FRMD4A: variants seen among roughly 807,000 people sequenced by gnomAD.
The protein encoded by FRMD4A is FERM domain-containing protein 4A.
Under a neutral mutation model 129.1 loss-of-function variants are expected in FRMD4A, and 29 were observed. That is an observed-to-expected ratio of 0.22 (90% CI 0.17 to 0.31). The LOEUF (loss-of-function observed/expected upper bound fraction) is 0.31. Ranked by LOEUF, FRMD4A falls within the 10% of genes least tolerant of loss-of-function variation. The probability of loss-of-function intolerance (pLI) is 1.00; values close to 1 mark genes in which losing one functional copy is unlikely to be tolerated. For missense variants in FRMD4A, 1,272 were observed against 1,375.8 expected (o/e 0.92, Z 1.19); for synonymous variants, 634 against 571.6 (o/e 1.11, Z -1.56).
chr10:14,189,466 C>T (rs545642142), intron 2 of FRMD4A, among the ~76,000 whole-genome samples: 31 of 152,048 alleles, frequency 2.0e-4, no homozygotes, highest in South Asian at 1.5e-3. Flanking sequence ...CCCAGCTACT[C>T]GGGAGGCTGA....
intron 12 of FRMD4A, among the ~76,000 whole-genome samples, chr10:13,734,695 C>T (rs982069365): frequency 1.3e-5 from 2 of 152,156 alleles, no homozygotes; most frequent in East Asian, 1.9e-4. Context: ...CATCCCCGAC[C>T]CTCACACAGA....
At chr10:14,274,811 GA>G (rs1845283567) in intron 2 of FRMD4A, among the ~76,000 whole-genome samples, 1 of 152,178 alleles carries the variant, frequency 6.6e-6, no homozygotes, top group Non-Finnish European at 1.5e-5. Context: ...GCAAGTCCCT[GA>G]CTTAGCCAGT....
intron 2 of FRMD4A, among the ~76,000 whole-genome samples, chr10:13,879,497 G>C (rs996989063): frequency 1.3e-5 from 2 of 151,710 alleles, no homozygotes. Context: ...TGGGCAGCAG[G>C]GTGATACCCC....
intron 2 of FRMD4A, chr10:14,074,606 G>T (rs943814754): frequency 6.6e-6 from 1 of 152,178 alleles, no homozygotes; most frequent in South Asian, 2.1e-4. Context: ...CATTTCATCT[G>T]GCAGGGCACT....
chr10:13,955,072 G>A (rs1040062213), intron 2 of FRMD4A, among the ~76,000 whole-genome samples: 1 of 147,708 alleles, frequency 6.8e-6, no homozygotes, highest in Non-Finnish European at 1.5e-5. Context: ...CTATGGTAAG[G>A]TAGTCTTCCA....
chr10:13,820,276 C>T (rs991395475), intron 3 of FRMD4A, among the ~76,000 whole-genome samples: 5 of 152,168 alleles, frequency 3.3e-5, no homozygotes, highest in South Asian at 2.1e-4. Context: ...CCGAAGACCT[C>T]GTTTCCGTGT....
At chr10:14,095,932 G>GCCT (rs1836934396) in intron 2 of FRMD4A, among the ~76,000 whole-genome samples, 1 of 152,156 alleles carries the variant, frequency 6.6e-6, no homozygotes, top group African/African-American at 2.4e-5. Flanking sequence ...CATAAGGAGC[G>GCCT]CAAGTGGAAA....
rs185541438 is a variant in FRMD4A, at chr10:13,757,258, C to T, written c.464+4389G>A. Among the ~76,000 whole-genome samples, 439 of 152,252 alleles carry T rather than the reference C, an allele frequency of 2.9e-3. 1 individual carries two copies. Among genetic ancestry groups the T allele is most frequent in the African/African-American group, 9.8e-3 (409 of 41,546 alleles). On this transcript the variant is annotated intron_variant, in intron 8 of 24. Transcript: ENST00000357447. ...CCAACTCTACTGACTTCCTGATTGT[C>T]GACAGACATGAGGTTTTTTGTTTTA...
chr10:14,210,871 G>A (rs941949451), intron 2 of FRMD4A, among the ~76,000 whole-genome samples: 11 of 152,140 alleles, frequency 7.2e-5, no homozygotes, highest in African/African-American at 2.7e-4. Flanking sequence ...GGGACTACAG[G>A]TGCATGCCAC....
intron 2 of FRMD4A, among the ~76,000 whole-genome samples, chr10:14,238,880 T>C (rs1843927448): frequency 6.6e-6 from 1 of 152,228 alleles, no homozygotes; most frequent in African/African-American, 2.4e-5. Flanking sequence ...TTTTTATGGC[T>C]GCATAGTATT....
chr10:13,889,322 A>G (rs1287073793), intron 2 of FRMD4A, among the ~76,000 whole-genome samples: 3 of 152,242 alleles, frequency 2.0e-5, no homozygotes, highest in Non-Finnish European at 4.4e-5. Flanking sequence ...CATATCTGCT[A>G]TTCCACAGAG....
intron 15 of FRMD4A, among the ~76,000 whole-genome samples, chr10:13,686,526 G>A (rs189131814): frequency 6.6e-6 from 1 of 152,318 alleles, no homozygotes; most frequent in Non-Finnish European, 1.5e-5. Context: ...AATGTGGACG[G>A]ATCCCAGGCA....
At chr10:14,117,637 T>C (rs1420882370) in intron 2 of FRMD4A, among the ~76,000 whole-genome samples, 1 of 152,140 alleles carries the variant, frequency 6.6e-6, no homozygotes, top group East Asian at 1.9e-4. Context: ...AGAAGCAAGA[T>C]AGGCTGGTCA....
intron 2 of FRMD4A, among the ~76,000 whole-genome samples, chr10:13,915,669 C>T (rs1388743430): frequency 8.2e-6 from 1 of 122,050 alleles, no homozygotes; most frequent in African/African-American, 3.1e-5. Flanking sequence ...GACTCTATCT[C>T]AAAAAAAAAA....
At chr10:14,057,250 C>T (rs543902419) in intron 2 of FRMD4A, among the ~76,000 whole-genome samples, 1 of 152,160 alleles carries the variant, frequency 6.6e-6, no homozygotes, top group Non-Finnish European at 1.5e-5. Flanking sequence ...CACACAGTCA[C>T]CTGACTACTC....
At chr10:14,188,681 G>C (rs1481843544) in intron 2 of FRMD4A, among the ~76,000 whole-genome samples, 1 of 152,172 alleles carries the variant, frequency 6.6e-6, no homozygotes, top group Non-Finnish European at 1.5e-5. Context: ...GAGGTGGAAG[G>C]CTCACTTAAG....
chr10:13,955,328 G>A (rs570971516), intron 2 of FRMD4A, among the ~76,000 whole-genome samples: 8 of 151,982 alleles, frequency 5.3e-5, no homozygotes, highest in Admixed American at 2.0e-4. Context: ...GGCTGGTCTC[G>A]AACTCCTGAC....
chr10:14,239,453 C>T (rs1027495176), intron 2 of FRMD4A, among the ~76,000 whole-genome samples: 27 of 152,102 alleles, frequency 1.8e-4, no homozygotes, highest in Admixed American at 2.0e-4. Flanking sequence ...TGGTGAAACC[C>T]CGTCTCTACT....
At chr10:13,768,080 A>ATGTGTGTGTG (rs36052011) in intron 6 of FRMD4A, among the ~76,000 whole-genome samples, 7,049 of 150,032 alleles carry the variant, frequency 0.047, 187 homozygotes, top group Middle Eastern at 0.11. Context: ...GTCTGCAGGT[A>ATGTGTGTGTG]TGTGTGTGTG....
Sources: allele counts gnomAD v4.1 joint callset (sites outside exome capture counted in the v4.1 genomes callset), GRCh38; gene constraint gnomAD v4.1.1; transcripts MANE v1.5; gene names NCBI Gene and HGNC (gene_info 2026-07-23, HGNC 2026-07-21).